Variants in FHL2 observed in about 807,000 individuals in gnomAD.
The protein encoded by FHL2 is four and a half LIM domains protein 2.
FHL2 carries 20 observed loss-of-function variants against 32.7 expected under a neutral mutation model. The observed-to-expected ratio is 0.61, with a 90% CI of 0.43 to 0.89. The LOEUF (loss-of-function observed/expected upper bound fraction) is 0.89. Ranked by LOEUF, FHL2 falls within the 40% of genes least tolerant of loss-of-function variation. FHL2 has a pLI of 0.00. For missense variants in FHL2, 311 were observed against 358.6 expected (o/e 0.87, Z 1.07); for synonymous variants, 123 against 128.1 (o/e 0.96, Z 0.27).
Position 105,433,138 on chromosome 2 carries a change from C to T in FHL2, c.-25+5261G>A, listed in dbSNP as rs544710961. On this transcript the variant is annotated intron_variant, in intron 1 of 5. Coordinates refer to the FHL2 transcript ENST00000393352. ...CTGAAACTAAAGGGAGAATTAAAAA[C>T]GAAAAATAAAAATAAGTTCAAAGTC... 6.0e-5 allele frequency among the ~76,000 whole-genome samples: 9 copies of T among 150,810 alleles called. No individual in the cohort carries two copies. In the South Asian group the frequency reaches 8.4e-4, roughly 14 times the overall value.
chr2:105,373,017 C>G (rs949953703), intron 4 of FHL2, among the ~76,000 whole-genome samples: 1 of 152,188 alleles, frequency 6.6e-6, no homozygotes, highest in Non-Finnish European at 1.5e-5. Context: ...ACACAAGGCA[C>G]CTTTATTGCC....
At chr2:105,404,848 G>A (rs1057454332) in intron 1 of FHL2, among the ~76,000 whole-genome samples, 4 of 152,076 alleles carry the variant, frequency 2.6e-5, no homozygotes, top group Non-Finnish European at 4.4e-5. Context: ...CAAACTATTT[G>A]TTGGATATAA....
At chr2:105,373,077 C>G (rs1299869905) in intron 4 of FHL2, among the ~76,000 whole-genome samples, 3 of 152,182 alleles carry the variant, frequency 2.0e-5, no homozygotes, top group African/African-American at 7.2e-5. Flanking sequence ...GACTGTCCGT[C>G]TAGAACACCA....
rs924963147 is a variant in FHL2, at chr2:105,361,507, T to A, written c.689-73A>T. 7.8e-6 allele frequency: 11 copies of A among 1,401,712 alleles called. No homozygotes were observed. In the African/African-American group the frequency reaches 1.6e-4, roughly 20 times the overall value. The allele number at this position is 1,401,712 out of a possible 1,614,324, so 86.8% of individuals were successfully genotyped here. A position where few individuals can be genotyped will look rare whatever the true frequency, so the allele number is the denominator to read the frequency against. ...GCAACTGGGACTGAAGAAGGAATTCTGGTTTGATCCATTTCAAAGTTTGGA... is the reference window on the plus strand; with the variant it reads ...GCAACTGGGACTGAAGAAGGAATTCAGGTTTGATCCATTTCAAAGTTTGGA... On this transcript the variant is annotated intron_variant, in intron 6 of 6. Transcript: ENST00000530340.
intron 1 of FHL2, among the ~76,000 whole-genome samples, chr2:105,413,182 C>T (rs1015767507): frequency 1.3e-5 from 2 of 152,106 alleles, no homozygotes; most frequent in East Asian, 3.9e-4. Flanking sequence ...ATCTTCATAG[C>T]GTCTCCTTCT....
intron 1 of FHL2, among the ~76,000 whole-genome samples, chr2:105,432,886 C>T (rs968222007): frequency 3.3e-5 from 5 of 152,200 alleles, no homozygotes; most frequent in Non-Finnish European, 7.3e-5. Context: ...GAATATGAAA[C>T]CTGGTTCCCA....
chr2:105,361,271 TC>T lies in FHL2; in HGVS notation c.*11del. Reference sequence around the variant, plus strand: ...GTGTGAGATCACAAGCAGCAACTTCTCTGTGTTGAATTCAGATGTCTTTCCC... The same window carrying T: ...GTGTGAGATCACAAGCAGCAACTTCTTGTGTTGAATTCAGATGTCTTTCCC... On this transcript the variant is annotated 3_prime_UTR_variant, in exon 7 of 7. Transcript: ENST00000530340. 6.2e-7 allele frequency: 1 copy of T among 1,606,618 alleles called. No homozygotes were observed. The highest frequency in any genetic ancestry group is 8.5e-7 in the Non-Finnish European group (1 of 1,176,046).
intron 4 of FHL2, 168 bp downstream of exon 4, chr2:105,373,391 T>C (rs1029774524): frequency 1.5e-6 from 1 of 687,980 alleles, no homozygotes; most frequent in East Asian, 2.8e-5. Flanking sequence ...ATAGAACCTG[T>C]ATGTCCCTGC....
At chr2:105,428,845 C>A (rs1050086837) in intron 1 of FHL2, among the ~76,000 whole-genome samples, 2 of 152,234 alleles carry the variant, frequency 1.3e-5, no homozygotes, top group Admixed American at 1.3e-4. Flanking sequence ...GTACTCTGTA[C>A]AGACACCCTG....
intron 1 of FHL2, among the ~76,000 whole-genome samples, chr2:105,436,563 C>A (rs1339760514): frequency 4.6e-5 from 7 of 150,614 alleles, no homozygotes; most frequent in Non-Finnish European, 7.4e-5. Flanking sequence ...TTTATATATA[C>A]ATATATATAT....
intron 1 of FHL2, among the ~76,000 whole-genome samples, chr2:105,431,609 G>A (rs1684434352): frequency 1.3e-5 from 2 of 152,168 alleles, no homozygotes; most frequent in African/African-American, 4.8e-5. Flanking sequence ...AAGAGATGAG[G>A]TCAGATTCCT....
chr2:105,392,242 G>A (rs1242590599), intron 2 of FHL2, among the ~76,000 whole-genome samples: 1 of 152,194 alleles, frequency 6.6e-6, no homozygotes, highest in Non-Finnish European at 1.5e-5. Context: ...GGAGACCGAG[G>A]CAGACATATC....
chr2:105,432,587 G>C (rs1164642022), intron 1 of FHL2, among the ~76,000 whole-genome samples: 3 of 151,924 alleles, frequency 2.0e-5, no homozygotes, highest in East Asian at 3.9e-4. Context: ...TTTCAAAAAG[G>C]AAGTTTACAG....
At chr2:105,386,270 CA>C in intron 3 of FHL2, 90 bp downstream of exon 3, 2 of 1,456,462 alleles carry the variant, frequency 1.4e-6, no homozygotes, top group Non-Finnish European at 9.4e-7. Context: ...AGACAGACTT[CA>C]GTGGTGGATC....
upstream of FHL2, chr2:105,399,053 G>C: frequency 6.7e-7 from 1 of 1,496,960 alleles, no homozygotes; most frequent in Non-Finnish European, 8.9e-7. Context: ...CGGCCGAGTG[G>C]AGCGCTGCGC....
Position 105,399,035 on chromosome 2 carries a change from T to TCCGCTGCCGGCC in FHL2, c.-281_-270dup, listed in dbSNP as rs745409720. ...GGCGCGGGCGGCTGGTGGCTGCGGC[T>TCCGCTGCCGGCC]CCGCTGCCGGCCGAGTGGAGCGCTG... On this transcript the variant is annotated 5_prime_UTR_variant, in exon 1 of 7. Transcript: ENST00000530340. 1.3e-6 allele frequency: 2 copies of TCCGCTGCCGGCC among 1,495,972 alleles called. No homozygotes were observed. The highest frequency in any genetic ancestry group is 2.6e-5 in the South Asian group (2 of 77,752). 92.7% of individuals were successfully genotyped at this position (1,495,972 alleles called of 1,614,324 possible). A position where few individuals can be genotyped will look rare whatever the true frequency, so the allele number is the denominator to read the frequency against.
chr2:105,396,252 A>G (rs1025133445), intron 2 of FHL2, among the ~76,000 whole-genome samples: 6 of 152,194 alleles, frequency 3.9e-5, no homozygotes, highest in Admixed American at 2.6e-4. Context: ...GACCCAGGAG[A>G]GCCGATGGTG....
intron 1 of FHL2, among the ~76,000 whole-genome samples, chr2:105,422,992 G>A (rs866259033): frequency 2.6e-5 from 4 of 152,106 alleles, no homozygotes; most frequent in African/African-American, 7.2e-5. Context: ...CAGCTCAGAC[G>A]GCATGGGAAC....
chr2:105,373,408 A>G, intron 4 of FHL2, 151 bp downstream of exon 4: 2 of 757,442 alleles, frequency 2.6e-6, no homozygotes, highest in Admixed American at 4.2e-5. Context: ...CTGCTTCGTA[A>G]GTACTCTAAA....
Sources: gnomAD v4.1 joint callset for allele counts (sites outside exome capture counted in the v4.1 genomes callset) on GRCh38, gnomAD v4.1.1 for gene constraint, MANE v1.5 for transcripts, NCBI Gene and HGNC (gene_info 2026-07-23, HGNC 2026-07-21) for gene names.